The following RFX1 variants were observed in gnomAD, a reference collection of about 807,000 sequenced individuals.
RFX1 encodes the protein MHC class II regulatory factor RFX1.
A neutral mutation model predicts 119.6 loss-of-function variants in RFX1; 42 were observed. The observed-to-expected ratio is 0.35, with a 90% CI of 0.27 to 0.45. The LOEUF is 0.45. Among genes scored for constraint, RFX1 ranks in the 20% least tolerant of loss-of-function variants. The pLI is 1.00. For missense variants in RFX1, 1,118 were observed against 1,368.1 expected, an observed-to-expected ratio of 0.82 and a Z score of 2.88; for synonymous variants, 628 against 618.5, an observed-to-expected ratio of 1.02 and a Z score of -0.23.
At position 13,977,976 on chromosome 19, in the gene RFX1, C is replaced by A. The variant is rs1202372561; in HGVS notation, c.929+16G>T. 6.3e-7 allele frequency: 1 copy of A among 1,598,588 alleles called. No individual in the cohort carries two copies. ...GCAGACCTGACTCCCTCACCCACCC[C>A]TCTCCCTTCACTTACATGGCACTGG... On this transcript the variant is annotated intron_variant, in intron 8 of 20. Transcript: ENST00000254325.
chr19:13,984,735 A>C (rs1974540758), intron 2 of RFX1, among the ~76,000 whole-genome samples: 1 of 151,902 alleles, frequency 6.6e-6, no homozygotes, highest in Non-Finnish European at 1.5e-5. Context: ...TTTCTTGGGG[A>C]TTTAGAGGGG....
chr19:13,982,328 C>G (rs112857211), intron 4 of RFX1, 100 bp from the exon 5 acceptor site: 5 of 550,912 alleles, frequency 9.1e-6, no homozygotes, highest in Non-Finnish European at 1.4e-5. Context: ...AAGTGCTTCA[C>G]GCCTGTTAGC....
chr19:13,963,012 G>T lies in RFX1; in HGVS notation c.2752C>A (p.Pro918Thr), dbSNP rs2145523017. 1.9e-6 allele frequency: 3 copies of T among 1,553,410 alleles called. No individual in the cohort carries two copies. The East Asian group carries it at 7.3e-5, about 38-fold the overall frequency. ...EFANLATSLN[P>T]LDPDKDEEEE... The stretch of plus-strand genomic sequence containing the variant: ...CGCCTACCTTTGTCGGGGTCCAGGG[G>T]GTTCAGGGAGGTGGCCAGATTGGCG... Residue 918 changes from proline (P) to threonine (T), a missense_variant, in exon 20 of 21, where the codon CCC becomes ACC. Around this residue, in one of 5 missense-constraint regions of RFX1, gnomAD observed 138 missense variants for 117.8 expected, o/e 1.17. Coordinates refer to ENST00000254325, the MANE Select transcript of RFX1 (RefSeq NM_002918.5).
intron 1 of RFX1, among the ~76,000 whole-genome samples, 151 bp downstream of exon 1, chr19:14,005,952 C>T (rs1481898370): frequency 2.0e-5 from 3 of 150,732 alleles, no homozygotes; most frequent in African/African-American, 2.4e-5. Context: ...TCCAGCCGGG[C>T]CCCGGCCCCC....
chr19:13,976,712 G>A (rs1307469438), intron 8 of RFX1, among the ~76,000 whole-genome samples: 4 of 152,246 alleles, frequency 2.6e-5, no homozygotes, highest in Non-Finnish European at 4.4e-5. Flanking sequence ...CACAGAAAGC[G>A]GGTAGAGGCT....
chr19:14,000,599 C>G (rs748816705), intron 1 of RFX1, among the ~76,000 whole-genome samples: 1 of 152,138 alleles, frequency 6.6e-6, no homozygotes, highest in Non-Finnish European at 1.5e-5. Flanking sequence ...GAGTTCAAGA[C>G]CAGCCTAAGC....
chr19:13,993,735 C>A lies in RFX1; in HGVS notation c.109G>T (p.Ala37Ser), dbSNP rs777124898. 4 of 1,588,500 alleles carry A rather than the reference C, an allele frequency of 2.5e-6. No homozygotes were observed. In the South Asian group the frequency reaches 4.6e-5, roughly 18 times the overall value. Residue 37 changes from alanine (A) to serine (S), a missense_variant, in exon 2 of 21, where the codon GCA becomes TCA. Physicochemically the swap from Ala to Ser is moderately conservative, Grantham distance 99 (BLOSUM62 1). This residue lies in a region of RFX1 where 542 missense variants were observed against 602.7 expected (regional missense o/e 0.90). Transcript: ENST00000254325. Reference protein sequence around the residue: ...PQPPPPPPPAAPQPPQPPTAA... With the variant: ...PQPPPPPPPASPQPPQPPTAA... Reference sequence around the variant, plus strand: ...GTGGGTGGCTGCGGGGGCTGGGGTGCCGCTGGGGGTGGTGGCGGTGGCGGC... The same window carrying A: ...GTGGGTGGCTGCGGGGGCTGGGGTGACGCTGGGGGTGGTGGCGGTGGCGGC...
At chr19:14,000,341 C>T (rs1975174059) in intron 1 of RFX1, among the ~76,000 whole-genome samples, 1 of 152,080 alleles carries the variant, frequency 6.6e-6, no homozygotes. Context: ...CAAAAATTAG[C>T]TGGGTGTGGT....
Position 13,986,387 on chromosome 19 carries a change from G to A in RFX1, c.320-2792C>T, listed in dbSNP as rs1047102730. Among the ~76,000 whole-genome samples the A allele has an allele frequency of 1.3e-5, 2 of 152,200 alleles. No individual in the cohort carries two copies. The highest frequency in any genetic ancestry group is 4.8e-5 in the African/African-American group (2 of 41,454). On this transcript the variant is annotated intron_variant, in intron 2 of 20. Coordinates refer to ENST00000254325, the MANE Select transcript of RFX1 (RefSeq NM_002918.5). This position sits in a 1 kb window ranked among gnomAD's most constrained non-coding sequence, Gnocchi z 4.2. ...GGGTAGCCCTCAAGGCTGGGACCCC[G>A]CCTGCCAGCCCAGGAGGGCGCCAGG...
chr19:13,968,176 C>T lies in RFX1; in HGVS notation c.1732+389G>A, dbSNP rs952540716. On this transcript the variant is annotated intron_variant, in intron 12 of 20. Transcript: ENST00000254325. This position sits in a 1 kb window ranked among gnomAD's most constrained non-coding sequence, Gnocchi z 5.5. ...GGCTGAGGCAGGAGAATCACTTGAA[C>T]CCAGGAGGCGGAGGTTGCAGTGAGC... Among the ~76,000 whole-genome samples, 1 of 152,104 alleles carries T rather than the reference C, an allele frequency of 6.6e-6. No individual in the cohort carries two copies. The highest frequency in any genetic ancestry group is 1.5e-5 in the Non-Finnish European group (1 of 68,024).
At position 13,993,709 on chromosome 19, in the gene RFX1, G is replaced by T. The variant is rs116292629; in HGVS notation, c.135C>A (p.Thr45=). The change falls in exon 2 of 21, where the codon ACC becomes ACA. Residue 45 remains threonine (T), a synonymous_variant. Coordinates refer to ENST00000254325, the MANE Select transcript of RFX1 (RefSeq NM_002918.5). ...PAAPQPPQPP[T]AAATPQPQYV... is the part of the protein sequence containing the mutation. The stretch of plus-strand genomic sequence containing the variant: ...ATTGGGGCTGAGGGGTGGCAGCAGC[G>T]GTGGGTGGCTGCGGGGGCTGGGGTG... 6 of 1,580,538 alleles carry T rather than the reference G, an allele frequency of 3.8e-6. No homozygotes were observed. The highest frequency in any genetic ancestry group is 4.3e-6 in the Non-Finnish European group (5 of 1,163,164).
chr19:13,966,016 A>C lies in RFX1; in HGVS notation c.1962-239T>G, dbSNP rs1056658148. Among the ~76,000 whole-genome samples, 4 of 151,682 alleles carry C rather than the reference A, an allele frequency of 2.6e-5. No individual in the cohort carries two copies. Among genetic ancestry groups the C allele is most frequent in the African/African-American group, 7.3e-5 (3 of 41,226 alleles). On this transcript the variant is annotated intron_variant, in intron 14 of 20. Coordinates refer to ENST00000254325, the MANE Select transcript of RFX1 (RefSeq NM_002918.5). This position sits in a 1 kb window ranked among gnomAD's most constrained non-coding sequence, Gnocchi z 6.3. ...TATACCTTGTCCCCAACCCAGGGTCACTGGGGGCACTCTGTGGCCCTGCCC... is the reference window on the plus strand; with the variant it reads ...TATACCTTGTCCCCAACCCAGGGTCCCTGGGGGCACTCTGTGGCCCTGCCC...
At chr19:13,999,350 A>G (rs1224782829) in intron 1 of RFX1, among the ~76,000 whole-genome samples, 1 of 152,158 alleles carries the variant, frequency 6.6e-6, no homozygotes, top group Non-Finnish European at 1.5e-5. Context: ...TAAATCTATT[A>G]CTTTAAATGA....
At position 13,979,575 on chromosome 19, in the gene RFX1, T is replaced by C. The variant is rs375338738; in HGVS notation, c.739-33A>G. The C allele has an allele frequency of 1.4e-5, 21 of 1,485,436 alleles. No individual in the cohort carries two copies. The African/African-American group carries it at 2.5e-4, about 18-fold the overall frequency. The allele number at this position is 1,485,436 out of a possible 1,614,324, so 92.0% of individuals were successfully genotyped here. ...GGGAAAGGCAACAATAAGATGACCA[T>C]GGCAACGATGGCCGTCAACCTACCC... is the stretch of plus-strand genomic sequence containing the variant. On this transcript the variant is annotated intron_variant, in intron 6 of 20. Transcript: ENST00000254325.
At chr19:13,994,132 ACC>A (rs1974906904) in intron 1 of RFX1, among the ~76,000 whole-genome samples, 1 of 151,524 alleles carries the variant, frequency 6.6e-6, no homozygotes, top group African/African-American at 2.4e-5. Context: ...ACCCCCACTC[ACC>A]CCAAGCCAGG....
chr19:13,963,516 C>A, intron 18 of RFX1, 22 bp downstream of exon 18: 1 of 1,586,548 alleles, frequency 6.3e-7, no homozygotes, highest in Non-Finnish European at 8.5e-7. Flanking sequence ...GCCGCCCGGA[C>A]CCGATCCCGC....
intron 1 of RFX1, among the ~76,000 whole-genome samples, chr19:13,998,762 C>T (rs1218062375): frequency 2.0e-5 from 3 of 152,186 alleles, no homozygotes; most frequent in Non-Finnish European, 4.4e-5. Context: ...GATTCTGAGG[C>T]AGACAGTCCT....
rs1599467423 is a variant in RFX1, at chr19:13,962,360, GC to G, written c.*334del. 1 of 364,406 alleles carries G rather than the reference GC, an allele frequency of 2.7e-6. No homozygotes were observed. Among genetic ancestry groups the G allele is most frequent in the Non-Finnish European group, 5.0e-6 (1 of 200,168 alleles). 22.6% of individuals were successfully genotyped at this position (364,406 alleles called of 1,614,324 possible). A position where few individuals can be genotyped will look rare whatever the true frequency, so the allele number is the denominator to read the frequency against. ...CGCACGGGAGGGGGCCTGCCTGCCTGCCCCCTGGGGTGGTGGGAGGACGGGG... is the reference window on the plus strand; with the variant it reads ...CGCACGGGAGGGGGCCTGCCTGCCTGCCCCTGGGGTGGTGGGAGGACGGGG... On this transcript the variant is annotated 3_prime_UTR_variant, in exon 21 of 21. Coordinates refer to ENST00000254325, the MANE Select transcript of RFX1 (RefSeq NM_002918.5).
intron 16 of RFX1, among the ~76,000 whole-genome samples, chr19:13,964,579 T>C (rs1161282394): frequency 6.6e-6 from 1 of 152,136 alleles, no homozygotes; most frequent in Non-Finnish European, 1.5e-5. Context: ...CCTCGTGGGT[T>C]CAAGCGATTC....
Sources: allele counts gnomAD v4.1 joint callset (sites outside exome capture counted in the v4.1 genomes callset), GRCh38; gene constraint gnomAD v4.1.1; regional missense constraint gnomAD v4.1.1; non-coding constraint Gnocchi (gnomAD v3.1); transcripts MANE v1.5; gene names NCBI Gene and HGNC (gene_info 2026-07-23, HGNC 2026-07-21).